Variants in KIAA1755 observed in about 807,000 individuals in gnomAD.
The protein encoded by KIAA1755 is uncharacterized protein KIAA1755.
Under a neutral mutation model 91.7 loss-of-function variants are expected in KIAA1755, and 68 were observed. That is an observed-to-expected ratio of 0.74 (90% CI 0.61 to 0.91). The LOEUF is 0.91. KIAA1755 is among the 40% of genes least tolerant of loss of function. The probability of loss-of-function intolerance (pLI) is 0.00; values close to 1 mark genes in which losing one functional copy is unlikely to be tolerated. For synonymous variants in KIAA1755, 610 were observed against 604.6 expected, an observed-to-expected ratio of 1.01 and a Z score of -0.13; for missense variants, 1,535 against 1,494.4, an observed-to-expected ratio of 1.03 and a Z score of -0.45.
At chr20:38,227,880 T>G (rs2075789072) in intron 6 of KIAA1755, among the ~76,000 whole-genome samples, 1 of 152,006 alleles carries the variant, frequency 6.6e-6, no homozygotes, top group Non-Finnish European at 1.5e-5. Flanking sequence ...GGGCCAGAAA[T>G]GGAGAGAGAG....
intron 8 of KIAA1755, 43 bp downstream of exon 8, chr20:38,225,622 G>A (rs761055345): frequency 1.2e-4 from 135 of 1,173,626 alleles, no homozygotes; most frequent in Non-Finnish European, 1.7e-4. Flanking sequence ...GAGAAGAAGA[G>A]AAGGAGTGGG....
At chr20:38,231,076 A>C in intron 5 of KIAA1755, 126 bp downstream of exon 5, 1 of 1,038,388 alleles carries the variant, frequency 9.6e-7, no homozygotes, top group Non-Finnish European at 1.4e-6. Flanking sequence ...CTGTCTGGGG[A>C]CTGGCTCTGT....
In KIAA1755 at chr20:38,260,621, G is replaced by A. The variant is rs1349336643; in HGVS notation, c.-121C>T. 1.4e-5 allele frequency: 18 copies of A among 1,258,406 alleles called. No individual in the cohort carries two copies. The highest frequency in any genetic ancestry group is 3.1e-5 in the Admixed American group (1 of 32,702). The allele number at this position is 1,258,406 out of a possible 1,614,324, so 78.0% of individuals were successfully genotyped here. ...CGCCTAGCCCTGGAGCCAGGGGATAGGGCAGGCCCGGGGCACCGACCCCGG... is the reference window on the plus strand; with the variant it reads ...CGCCTAGCCCTGGAGCCAGGGGATAAGGCAGGCCCGGGGCACCGACCCCGG... On this transcript the variant is annotated 5_prime_UTR_variant, in exon 1 of 14. Coordinates refer to ENST00000279024, the MANE Select transcript of KIAA1755 (RefSeq NM_001029864.2).
chr20:38,230,406 T>G (rs1044084176), intron 5 of KIAA1755, among the ~76,000 whole-genome samples: 1 of 152,222 alleles, frequency 6.6e-6, no homozygotes. Context: ...ACATCCCCTA[T>G]TCTTCTTACT....
At position 38,241,928 on chromosome 20, in the gene KIAA1755, G is replaced by A; in HGVS notation, c.203C>T (p.Ala68Val). 1 of 1,608,508 alleles carries A rather than the reference G, an allele frequency of 6.2e-7. No individual in the cohort carries two copies. Among genetic ancestry groups the A allele is most frequent in the Non-Finnish European group, 8.5e-7 (1 of 1,176,736 alleles). ...TAAGAAGAGGCAGTGTGAGTAGGGA[G>A]CCTGTGGAGAGAAGGGGATGGCATC... ...LCEQVREAAC[A>V]PYSHCLFLHE... The change falls in exon 3 of 14, where the codon GCT (alanine) becomes GTT (valine). Residue 68 changes from alanine (A) to valine (V), a missense_variant and splice_region_variant. Transcript: ENST00000279024.
intron 1 of KIAA1755, among the ~76,000 whole-genome samples, chr20:38,250,755 G>A (rs371414830): frequency 1.6e-4 from 24 of 151,974 alleles, no homozygotes; most frequent in African/African-American, 5.6e-4. Context: ...TGTAGCCCAC[G>A]AAAAAACTGG....
Position 38,259,798 on chromosome 20 carries a change from C to T in KIAA1755, c.3+700G>A, listed in dbSNP as rs149712854. On this transcript the variant is annotated intron_variant, in intron 1 of 13. Coordinates refer to ENST00000279024, the MANE Select transcript of KIAA1755 (RefSeq NM_001029864.2). ...CCCTGTTGCCAGATACTGGCACAAA[C>T]GCATCCCTGCCACCACCACCACCAC... Among the ~76,000 whole-genome samples, 69 of 143,114 alleles carry T rather than the reference C, an allele frequency of 4.8e-4. 2 individuals are homozygous for T. In the East Asian group the frequency reaches 0.013, roughly 27 times the overall value. 93.9% of individuals were successfully genotyped at this position (143,114 alleles called of 152,430 possible).
chr20:38,248,521 A>G (rs1049212648), intron 1 of KIAA1755, among the ~76,000 whole-genome samples: 1 of 152,170 alleles, frequency 6.6e-6, no homozygotes, highest in Admixed American at 6.5e-5. Context: ...TACGGTGGCA[A>G]CAGGAGGCAG....
chr20:38,234,733 G>T (rs1384447312), intron 4 of KIAA1755, among the ~76,000 whole-genome samples: 1 of 152,198 alleles, frequency 6.6e-6, no homozygotes, highest in Non-Finnish European at 1.5e-5. Context: ...TAGTTCACAT[G>T]TCTGGTTCCC....
intron 1 of KIAA1755, among the ~76,000 whole-genome samples, chr20:38,250,578 G>A (rs746440935): frequency 6.7e-6 from 1 of 150,310 alleles, no homozygotes; most frequent in African/African-American, 2.4e-5. Flanking sequence ...AAAGAAAGAA[G>A]GAAGAAGAAA....
intron 1 of KIAA1755, among the ~76,000 whole-genome samples, chr20:38,253,063 C>T (rs987312824): frequency 2.9e-5 from 4 of 135,948 alleles, no homozygotes; most frequent in South Asian, 2.5e-4. Context: ...GAACACAGCC[C>T]GCAGCCCGGC....
At position 38,219,653 on chromosome 20, in the gene KIAA1755, G is replaced by A. The variant is rs144671254; in HGVS notation, c.2533C>T (p.Arg845Cys). ...GKLELRVRLG[R>C]LEAAIHQVSD... ...ACCTGGTGAATGGCAGCTTCCAGGC[G>A]GCCCAGGCGGACACGGAGCTCCAGC... The change falls in exon 11 of 14, where the codon CGC (arginine) becomes TGC (cysteine). Residue 845 changes from arginine (R) to cysteine (C), a missense_variant. Transcript: ENST00000279024. 357 of 1,613,962 alleles carry A rather than the reference G, an allele frequency of 2.2e-4. 1 individual carries two copies. Among genetic ancestry groups the A allele is most frequent in the South Asian group, 4.0e-4 (36 of 91,084 alleles).
Position 38,240,941 on chromosome 20 carries a change from G to A in KIAA1755, c.1190C>T (p.Ala397Val), listed in dbSNP as rs1379857700. 1.9e-6 allele frequency: 3 copies of A among 1,613,926 alleles called. No homozygotes were observed. Among genetic ancestry groups the A allele is most frequent in the Non-Finnish European group, 2.5e-6 (3 of 1,179,968 alleles). Residue 397 changes from alanine (A) to valine (V), a missense_variant, in exon 3 of 14, where the codon GCC becomes GTC. Ala to Val is a moderately conservative substitution (Grantham distance 64, BLOSUM62 0). Coordinates refer to ENST00000279024, the MANE Select transcript of KIAA1755 (RefSeq NM_001029864.2). ...TCCTAGAGGTCCCTGCATCTTGGAG[G>A]CAGCTGGCTCTTGTGAGACACCTGC... ...LRAGVSQEPA[A>V]SKMQGPLGNP... is the part of the protein sequence containing the mutation.
Position 38,254,231 on chromosome 20 carries a change from G to A in KIAA1755, c.3+6267C>T, listed in dbSNP as rs763743796. On this transcript the variant is annotated intron_variant, in intron 1 of 13. Coordinates refer to ENST00000279024, the MANE Select transcript of KIAA1755 (RefSeq NM_001029864.2). ...TCCAGATTTATCCATTTACTGCAAC[G>A]GGCAAAGATTTTAGTATCACTTAGC... 5.9e-5 allele frequency among the ~76,000 whole-genome samples: 9 copies of A among 152,202 alleles called. No homozygotes were observed. In the East Asian group the frequency reaches 1.4e-3, roughly 23 times the overall value.
chr20:38,239,764 G>A, intron 3 of KIAA1755, 39 bp from the exon 4 acceptor site: 1 of 1,562,658 alleles, frequency 6.4e-7, no homozygotes, highest in Non-Finnish European at 8.8e-7. Context: ...ACGTTAAGCA[G>A]AAGATGGGCT....
chr20:38,223,590 A>G lies in KIAA1755; in HGVS notation c.2216T>C (p.Leu739Pro). 1 of 1,602,560 alleles carries G rather than the reference A, an allele frequency of 6.2e-7. No homozygotes were observed. ...LADLHQASSL[L>P]QASIEEFEKA... ...CTCGAATTCCTCGATGGAAGCTTGT[A>G]GCAGGGAAGAGGCCTGGTGGAGGTC... Residue 739 changes from leucine to proline, a missense_variant, in exon 9 of 14, where the codon CTA becomes CCA. Leu to Pro is a moderately conservative substitution (Grantham distance 98). Coordinates refer to ENST00000279024, the MANE Select transcript of KIAA1755 (RefSeq NM_001029864.2).
At chr20:38,223,266 T>A (rs6098580) in intron 9 of KIAA1755, 4,046 of 261,770 alleles carry the variant, frequency 0.015, 167 homozygotes, top group African/African-American at 0.087. Context: ...CAATTTGGAA[T>A]GACATACCCA....
In KIAA1755 at chr20:38,240,691, C is replaced by T. The variant is rs202085973; in HGVS notation, c.1440G>A (p.Arg480=). 326 of 1,561,620 alleles carry T rather than the reference C, an allele frequency of 2.1e-4. No homozygotes were observed. Among genetic ancestry groups the T allele is most frequent in the Non-Finnish European group, 2.7e-4 (310 of 1,155,116 alleles). The part of the protein sequence containing the change: ...GLKFSFLRGQ[R]QPSVTPEKAS... ...CTTTCTCCGGGGTCACAGAGGGTTGCCTCTGCCCTCTCAAGAATGAGAATT... is the reference window on the plus strand; with the variant it reads ...CTTTCTCCGGGGTCACAGAGGGTTGTCTCTGCCCTCTCAAGAATGAGAATT... Residue 480 remains arginine (R), a synonymous_variant, in exon 3 of 14, where the codon AGG becomes AGA. Coordinates refer to ENST00000279024, the MANE Select transcript of KIAA1755 (RefSeq NM_001029864.2).
At position 38,222,448 on chromosome 20, in the gene KIAA1755, C is replaced by A. The variant is rs780692847; in HGVS notation, c.2417+1G>T. 9 of 1,612,220 alleles carry A rather than the reference C, an allele frequency of 5.6e-6. No homozygotes were observed. The highest frequency in any genetic ancestry group is 1.3e-5 in the African/African-American group (1 of 74,884). On this transcript the variant is annotated splice_donor_variant, in intron 10 of 13. Coordinates refer to ENST00000279024, the MANE Select transcript of KIAA1755 (RefSeq NM_001029864.2). LOFTEE classifies it high-confidence loss of function. ...AAGAGGAAAGGCCTGGACGTCTGTA[C>A]CTGACATCAGGGCTGAAGTCCAGCC...
Sources: allele counts gnomAD v4.1 joint callset (sites outside exome capture counted in the v4.1 genomes callset), GRCh38; gene constraint gnomAD v4.1.1; transcripts MANE v1.5; gene names NCBI Gene and HGNC (gene_info 2026-07-23, HGNC 2026-07-21).